The following ANO2 variants were observed in gnomAD, a reference collection of about 807,000 sequenced individuals.
ANO2 encodes the protein anoctamin 2, also known as anoctamin-2.
Under a neutral mutation model 124.2 loss-of-function variants are expected in ANO2, and 101 were observed. The ratio of observed to expected loss-of-function variants is 0.81; its 90% CI spans 0.69 to 0.96. The LOEUF (loss-of-function observed/expected upper bound fraction) is 0.96, where lower values mean the gene tolerates loss of function less well. Among genes scored for constraint, ANO2 ranks in the 40% least tolerant of loss-of-function variants. The pLI, the probability that ANO2 is intolerant of heterozygous loss-of-function variation, is 0.00. For missense variants in ANO2, 1,293 were observed against 1,274.5 expected, an observed-to-expected ratio of 1.01 and a Z score of -0.22; for synonymous variants, 486 against 482.5, an observed-to-expected ratio of 1.01 and a Z score of -0.09.
intron 3 of ANO2, among the ~76,000 whole-genome samples, chr12:5,857,921 C>T (rs964246864): frequency 3.9e-5 from 6 of 152,094 alleles, no homozygotes; most frequent in Non-Finnish European, 8.8e-5. Flanking sequence ...ATAGGCCAGA[C>T]ACAGAAAGAC....
chr12:5,587,432 G>C (rs1211408474), intron 20 of ANO2, among the ~76,000 whole-genome samples: 1 of 152,240 alleles, frequency 6.6e-6, no homozygotes, highest in Non-Finnish European at 1.5e-5. Flanking sequence ...ATGGCTGCAA[G>C]TGTCCAGAGA....
intron 1 of ANO2, among the ~76,000 whole-genome samples, chr12:5,940,871 T>C (rs1332350693): frequency 6.6e-6 from 1 of 152,158 alleles, no homozygotes. Flanking sequence ...AACTGGCAAA[T>C]GGATAAACAA....
intron 15 of ANO2, among the ~76,000 whole-genome samples, chr12:5,643,308 T>C (rs760930237): frequency 5.9e-5 from 9 of 152,268 alleles, no homozygotes; most frequent in Non-Finnish European, 1.0e-4. Flanking sequence ...CTGAACTCTC[T>C]ATGAGTAGAA....
intron 3 of ANO2, among the ~76,000 whole-genome samples, chr12:5,867,433 GAGAGACA>G (rs1955455329): frequency 6.6e-6 from 1 of 152,188 alleles, no homozygotes; most frequent in African/African-American, 2.4e-5. Flanking sequence ...TGGATGAAGT[GAGAGACA>G]CCAAACATGC....
intron 11 of ANO2, among the ~76,000 whole-genome samples, chr12:5,744,804 T>C (rs1226288754): frequency 6.6e-6 from 1 of 152,164 alleles, no homozygotes; most frequent in Non-Finnish European, 1.5e-5. Flanking sequence ...TGGCTAGACC[T>C]GTGCATGCTC....
chr12:5,568,749 A>G (rs997411935), intron 23 of ANO2, among the ~76,000 whole-genome samples: 11 of 152,232 alleles, frequency 7.2e-5, no homozygotes, highest in African/African-American at 2.6e-4. Context: ...CCCAGTGCTT[A>G]GCACTGGCGA....
intron 12 of ANO2, 108 bp downstream of exon 12, chr12:5,744,049 G>A: frequency 7.3e-7 from 1 of 1,369,574 alleles, no homozygotes; most frequent in Non-Finnish European, 1.0e-6. Context: ...GTGATGGGAA[G>A]AAAAAATGCG....
intron 21 of ANO2, 107 bp from the exon 22 acceptor site, chr12:5,578,114 G>T (rs1942523999): frequency 7.2e-7 from 1 of 1,397,250 alleles, no homozygotes; most frequent in Non-Finnish European, 9.9e-7. Context: ...GAGCAGCTTT[G>T]CTGGGCCCCC....
At position 5,922,711 on chromosome 12, in the gene ANO2, T is replaced by C. The variant is rs779917319; in HGVS notation, c.116A>G (p.Lys39Arg). Residue 39 changes from lysine (K) to arginine (R), a missense_variant, in exon 2 of 25, where the codon AAG (lysine) becomes AGG (arginine). Physicochemically the swap from Lys to Arg is conservative, Grantham distance 26. Transcript: ENST00000682330. ...QGPKHGQQCL[K>R]MPGPRAPGLQ... is the part of the protein sequence containing the mutation. ...ACCTGGGGCCCGGGGACCTGGCATC[T>C]TGAGACACTGCTGTCCATGTTTGGG... 1 of 1,598,762 alleles carries C rather than the reference T, an allele frequency of 6.3e-7. No homozygotes were observed. The highest frequency in any genetic ancestry group is 1.1e-5 in the South Asian group (1 of 88,126).
intron 3 of ANO2, among the ~76,000 whole-genome samples, chr12:5,898,430 T>C (rs1284327542): frequency 6.6e-6 from 1 of 152,168 alleles, no homozygotes; most frequent in Non-Finnish European, 1.5e-5. Flanking sequence ...AAAAGACCTG[T>C]AAAAGAATAG....
intron 14 of ANO2, among the ~76,000 whole-genome samples, chr12:5,709,364 T>C (rs898626574): frequency 1.3e-5 from 2 of 152,248 alleles, no homozygotes; most frequent in Admixed American, 6.5e-5. Context: ...GAACACGAGA[T>C]GTGCAAATTC....
chr12:5,759,329 C>A (rs936431137), intron 10 of ANO2, among the ~76,000 whole-genome samples: 1 of 152,052 alleles, frequency 6.6e-6, no homozygotes, highest in South Asian at 2.1e-4. Context: ...AAATCAGATA[C>A]AACAGAAGAT....
chr12:5,831,909 C>G (rs1385310012), intron 5 of ANO2, among the ~76,000 whole-genome samples: 4 of 152,140 alleles, frequency 2.6e-5, no homozygotes, highest in Non-Finnish European at 4.4e-5. Context: ...GTGGCTCCCC[C>G]TTCCAAACGT....
At chr12:5,711,768 G>C (rs1049999843) in intron 14 of ANO2, among the ~76,000 whole-genome samples, 2 of 152,160 alleles carry the variant, frequency 1.3e-5, no homozygotes, top group African/African-American at 2.4e-5. Flanking sequence ...AGACAATACA[G>C]ACTAGAATGT....
chr12:5,917,565 C>CT (rs1275136752), intron 3 of ANO2, among the ~76,000 whole-genome samples: 7,034 of 100,634 alleles, frequency 0.07, 276 homozygotes, highest in Non-Finnish European at 0.092. Context: ...TCTCTTTTTT[C>CT]TTTTTTTTTT....
At chr12:5,745,749 C>T (rs1951247696) in intron 11 of ANO2, among the ~76,000 whole-genome samples, 1 of 152,160 alleles carries the variant, frequency 6.6e-6, no homozygotes, top group Non-Finnish European at 1.5e-5. Flanking sequence ...CCCAGTTCCT[C>T]CACTGACTCG....
intron 13 of ANO2, chr12:5,733,069 C>A (rs970811860): frequency 1.4e-5 from 9 of 659,934 alleles, no homozygotes; most frequent in African/African-American, 5.4e-5. Flanking sequence ...AACAGATGTG[C>A]CCCACAGCTG....
intron 14 of ANO2, among the ~76,000 whole-genome samples, chr12:5,704,690 T>C (rs75138430): frequency 0.013 from 1,747 of 129,758 alleles, 36 homozygotes; most frequent in African/African-American, 0.052. Flanking sequence ...AAGTGCTTGG[T>C]GTGTGTATGT....
In ANO2 at chr12:5,871,015, G is replaced by A. The variant is rs142740955; in HGVS notation, c.535-16874C>T. 5.7e-3 allele frequency among the ~76,000 whole-genome samples: 872 copies of A among 152,248 alleles called. 9 individuals carry two copies. Among genetic ancestry groups the A allele is most frequent in the African/African-American group, 0.02 (834 of 41,546 alleles). On this transcript the variant is annotated intron_variant, in intron 3 of 24. Coordinates refer to ENST00000682330, the MANE Select transcript of ANO2 (RefSeq NM_001364791.2). ...TATATTAAGTAATTTCAAAAAAACT[G>A]ATTTTTTTATTAAAAAAGCAACTTG... is the stretch of plus-strand genomic sequence containing the variant.
Sources: allele counts gnomAD v4.1 joint callset (sites outside exome capture counted in the v4.1 genomes callset), GRCh38; gene constraint gnomAD v4.1.1; transcripts MANE v1.5; gene names NCBI Gene and HGNC (gene_info 2026-07-23, HGNC 2026-07-21).